The following DNER variants were observed in gnomAD, a reference collection of about 807,000 sequenced individuals.
DNER encodes the protein delta/notch like EGF repeat containing.
DNER carries 33 observed loss-of-function variants against 78.2 expected under a neutral mutation model. That is an observed-to-expected ratio of 0.42 (90% CI 0.32 to 0.56). The LOEUF (loss-of-function observed/expected upper bound fraction) is 0.56. Ranked by LOEUF, DNER falls within the 20% of genes least tolerant of loss-of-function variation. The probability of loss-of-function intolerance (pLI) is 0.11; values close to 1 mark genes in which losing one functional copy is unlikely to be tolerated. For synonymous variants in DNER, 417 were observed against 384.8 expected, an observed-to-expected ratio of 1.08 and a Z score of -0.98; for missense variants, 918 against 975.3, an observed-to-expected ratio of 0.94 and a Z score of 0.78.
chr2:229,656,367 T>C (rs1280019726), intron 1 of DNER, among the ~76,000 whole-genome samples: 1 of 152,044 alleles, frequency 6.6e-6, no homozygotes, highest in Non-Finnish European at 1.5e-5. Context: ...TCTAAAAAGG[T>C]GAGCAGCAAA....
At chr2:229,487,137 T>C (rs567371757) in intron 6 of DNER, among the ~76,000 whole-genome samples, 2 of 152,356 alleles carry the variant, frequency 1.3e-5, no homozygotes, top group African/African-American at 4.8e-5. Context: ...GTGATTGCAC[T>C]GTTGACATGG....
chr2:229,469,394 G>A (rs138398255), intron 7 of DNER, among the ~76,000 whole-genome samples: 187 of 152,298 alleles, frequency 1.2e-3, no homozygotes, highest in African/African-American at 4.2e-3. Context: ...AGATTAAGTG[G>A]TGAAATTTAT....
At chr2:229,422,709 A>G (rs1693793011) in intron 8 of DNER, among the ~76,000 whole-genome samples, 1 of 152,162 alleles carries the variant, frequency 6.6e-6, no homozygotes, top group South Asian at 2.1e-4. Flanking sequence ...GCTTAGAAAG[A>G]GCACTTTGGG....
intron 4 of DNER, among the ~76,000 whole-genome samples, chr2:229,574,734 T>TA (rs1697267863): frequency 6.6e-6 from 1 of 152,196 alleles, no homozygotes; most frequent in East Asian, 1.9e-4. Context: ...GAGAAACGCA[T>TA]ACTTCTGGAA....
chr2:229,564,400 TCATCAA>T (rs1233235081), intron 4 of DNER, among the ~76,000 whole-genome samples: 1 of 143,274 alleles, frequency 7.0e-6, no homozygotes, highest in Non-Finnish European at 1.5e-5. Context: ...ATCACCATCA[TCATCAA>T]CATCATCACA....
chr2:229,453,043 G>C (rs1694494462), intron 7 of DNER, among the ~76,000 whole-genome samples: 2 of 152,230 alleles, frequency 1.3e-5, no homozygotes, highest in Admixed American at 1.3e-4. Flanking sequence ...TTTGAACCAA[G>C]GGGAATTGGA....
intron 3 of DNER, chr2:229,586,934 T>C: frequency 1.0e-6 from 1 of 985,436 alleles, no homozygotes; most frequent in South Asian, 4.7e-5. Flanking sequence ...AATGAAAGCG[T>C]AAGGAGCTAG....
intron 1 of DNER, 140 bp from the exon 2 acceptor site, chr2:229,592,028 C>T (rs1697617784): frequency 8.5e-7 from 1 of 1,176,056 alleles, no homozygotes; most frequent in Non-Finnish European, 1.2e-6. Flanking sequence ...ACTACTTGTG[C>T]TGTTGTGGGG....
chr2:229,712,707 G>A (rs960948185), intron 1 of DNER, among the ~76,000 whole-genome samples: 1 of 152,154 alleles, frequency 6.6e-6, no homozygotes, highest in African/African-American at 2.4e-5. Context: ...TGGTTAGAAT[G>A]GCTCCAACAG....
intron 12 of DNER, among the ~76,000 whole-genome samples, chr2:229,362,589 G>C (rs1302701220): frequency 2.0e-5 from 3 of 152,152 alleles, no homozygotes; most frequent in Non-Finnish European, 2.9e-5. Flanking sequence ...ATCTCACTAA[G>C]CCCAAATTTC....
chr2:229,596,223 C>G (rs983039672), intron 1 of DNER, among the ~76,000 whole-genome samples: 2 of 152,140 alleles, frequency 1.3e-5, no homozygotes, highest in Admixed American at 1.3e-4. Context: ...GTTATATACA[C>G]GCAGCTGCCA....
At chr2:229,425,845 G>T (rs1693864590) in intron 8 of DNER, among the ~76,000 whole-genome samples, 1 of 152,194 alleles carries the variant, frequency 6.6e-6, no homozygotes, top group African/African-American at 2.4e-5. Context: ...GACCTTCGAA[G>T]ACCATGGTGC....
intron 12 of DNER, among the ~76,000 whole-genome samples, chr2:229,366,325 G>A (rs975180760): frequency 2.0e-5 from 3 of 152,172 alleles, no homozygotes; most frequent in East Asian, 3.9e-4. Flanking sequence ...GTCAGGTAAC[G>A]GAGTCATTAA....
At chr2:229,527,726 CT>C (rs925123806) in intron 5 of DNER, among the ~76,000 whole-genome samples, 7 of 152,042 alleles carry the variant, frequency 4.6e-5, no homozygotes, top group African/African-American at 1.2e-4. Flanking sequence ...TTCATAATAA[CT>C]TTTTTTTAAG....
intron 5 of DNER, among the ~76,000 whole-genome samples, chr2:229,546,677 G>A (rs150335079): frequency 0.019 from 2,839 of 152,014 alleles, 101 homozygotes; most frequent in African/African-American, 0.064. Context: ...CAGAGGTTGC[G>A]GTAAGCCGAG....
At chr2:229,625,493 G>A (rs936705456) in intron 1 of DNER, among the ~76,000 whole-genome samples, 2 of 152,170 alleles carry the variant, frequency 1.3e-5, no homozygotes, top group African/African-American at 4.8e-5. Context: ...CGGTCACCGA[G>A]TCATATCAAA....
At position 229,523,476 on chromosome 2, in the gene DNER, C is replaced by G. The variant is rs527595562; in HGVS notation, c.994-10540G>C. Among the ~76,000 whole-genome samples the G allele has an allele frequency of 1.3e-5, 2 of 152,184 alleles. 1 individual carries two copies. The highest frequency in any genetic ancestry group is 2.9e-5 in the Non-Finnish European group (2 of 68,036). ...CCCGTGTCTTCACACAGTCTTTACT[C>G]TGTGTTTGTCTATGTCCCAATGTCC... On this transcript the variant is annotated intron_variant, in intron 5 of 12. Coordinates refer to ENST00000341772, the MANE Select transcript of DNER (RefSeq NM_139072.4).
chr2:229,499,764 T>C lies in DNER; in HGVS notation c.1147+13019A>G, dbSNP rs533628854. Among the ~76,000 whole-genome samples, 23 of 152,088 alleles carry C rather than the reference T, an allele frequency of 1.5e-4. No homozygotes were observed. The East Asian group carries it at 2.5e-3, about 17-fold the overall frequency. On this transcript the variant is annotated intron_variant, in intron 6 of 12. Coordinates refer to ENST00000341772, the MANE Select transcript of DNER (RefSeq NM_139072.4). ...AGCTTCTGCATGGCAAAAGAAGCGA[T>C]CAATGGAGTGAAAATACAACCTGCA...
chr2:229,512,676 T>C lies in DNER; in HGVS notation c.1147+107A>G, dbSNP rs6717730. 0.046 allele frequency: 67,506 copies of C among 1,464,236 alleles called. 2,029 individuals carry two copies. The highest frequency in any genetic ancestry group is 0.11 in the East Asian group (4,773 of 43,612). The allele number at this position is 1,464,236 out of a possible 1,614,324, so 90.7% of individuals were successfully genotyped here. ...CAAATCACCAAAAAGAACTTACTCA[T>C]GTAACCAAGTACCACCTGTTCTCCA... On this transcript the variant is annotated intron_variant, in intron 6 of 12. Transcript: ENST00000341772.
Sources: gnomAD v4.1 joint callset for allele counts (sites outside exome capture counted in the v4.1 genomes callset) on GRCh38, gnomAD v4.1.1 for gene constraint, MANE v1.5 for transcripts, NCBI Gene and HGNC (gene_info 2026-07-23, HGNC 2026-07-21) for gene names.